The following INTU variants were observed in gnomAD, a reference collection of about 807,000 sequenced individuals.
INTU encodes the protein inturned planar cell polarity protein, also known as protein inturned.
Under a neutral mutation model 100.5 loss-of-function variants are expected in INTU, and 68 were observed. That is an observed-to-expected ratio of 0.68 (90% CI 0.56 to 0.83). INTU has a LOEUF of 0.83. Ranked by LOEUF, INTU falls within the 40% of genes least tolerant of loss-of-function variation. The probability of loss-of-function intolerance (pLI) is 0.00; values close to 1 mark genes in which losing one functional copy is unlikely to be tolerated. For synonymous variants in INTU, 357 were observed against 395.7 expected (o/e 0.90, Z 1.16); for missense variants, 1,071 against 1,114.7 (o/e 0.96, Z 0.56).
intron 6 of INTU, among the ~76,000 whole-genome samples, chr4:127,679,404 T>C (rs1729404828): frequency 1.3e-5 from 2 of 152,046 alleles, no homozygotes; most frequent in South Asian, 4.2e-4. Flanking sequence ...ACAAACTGTC[T>C]CTCAGACCAC....
At chr4:127,701,989 A>G (rs1730670176) in intron 9 of INTU, among the ~76,000 whole-genome samples, 1 of 152,138 alleles carries the variant, frequency 6.6e-6, no homozygotes, top group Admixed American at 6.6e-5. Flanking sequence ...TTTTTGAGTA[A>G]TGGAAAATGT....
intron 6 of INTU, among the ~76,000 whole-genome samples, chr4:127,683,242 G>T (rs1186059759): frequency 6.6e-6 from 1 of 152,160 alleles, no homozygotes; most frequent in Admixed American, 6.5e-5. Context: ...TTAATTTGAA[G>T]ATCCCCTTTA....
chr4:127,674,144 GA>G lies in INTU; in HGVS notation c.1116del (p.Lys372AsnfsTer16). On this transcript the variant is annotated frameshift_variant, in exon 6 of 16. Coordinates refer to ENST00000335251, the MANE Select transcript of INTU (RefSeq NM_015693.4). LOFTEE classifies it high-confidence loss of function. ...CTTAGTTCATCCCTCCTTTTAAATG[GA>G]AAACAAATTCATGTGGCTTATTGGA... ...QVTSSSLLLNGKQIHVAYWKE... is the reference protein window; with the variant it reads ...QVTSSSLLLNXKQIHVAYWKE... The G allele has an allele frequency of 6.2e-7, 1 of 1,610,314 alleles. No individual in the cohort carries two copies. The highest frequency in any genetic ancestry group is 8.5e-7 in the Non-Finnish European group (1 of 1,178,168).
At chr4:127,644,430 A>G (rs1433193759) in intron 2 of INTU, among the ~76,000 whole-genome samples, 1 of 152,238 alleles carries the variant, frequency 6.6e-6, no homozygotes, top group East Asian at 1.9e-4. Context: ...ACAAAAATAT[A>G]TAATTTATGA....
At position 127,704,120 on chromosome 4, in the gene INTU, A is replaced by G. The variant is rs73847046; in HGVS notation, c.1504-108A>G. On this transcript the variant is annotated intron_variant, in intron 9 of 15. Transcript: ENST00000335251. ...GATTTCTAAAGATGGCACTATGAAA[A>G]GTTTAGTTACTAAAGAATATAATTT... 5.4e-3 allele frequency: 4,562 copies of G among 842,458 alleles called. 157 individuals carry two copies. In the African/African-American group the frequency reaches 0.069, roughly 13 times the overall value. 52.2% of individuals were successfully genotyped at this position (842,458 alleles called of 1,614,324 possible). A position where few individuals can be genotyped will look rare whatever the true frequency, so the allele number is the denominator to read the frequency against.
chr4:127,685,389 A>G lies in INTU; in HGVS notation c.1259+903A>G, dbSNP rs1308345249. The G allele has an allele frequency of 1.3e-5, 6 of 452,260 alleles. No individual in the cohort carries two copies. The Admixed American group carries it at 1.4e-4, about 11-fold the overall frequency. 28.0% of individuals were successfully genotyped at this position (452,260 alleles called of 1,614,324 possible). ...TTATACATTTTTCCAAACCATAGTG[A>G]TATCAGCTCTCTGTTTATCTATAGT... On this transcript the variant is annotated intron_variant, in intron 7 of 15. Coordinates refer to ENST00000335251, the MANE Select transcript of INTU (RefSeq NM_015693.4).
chr4:127,680,798 G>C, intron 6 of INTU, among the ~76,000 whole-genome samples: 1 of 151,222 alleles, frequency 6.6e-6, no homozygotes, highest in Non-Finnish European at 1.5e-5. Context: ...ATTAGGAAAA[G>C]AGGAAGTCAA....
At chr4:127,649,439 A>G (rs1391092677) in intron 2 of INTU, among the ~76,000 whole-genome samples, 1 of 152,140 alleles carries the variant, frequency 6.6e-6, no homozygotes, top group African/African-American at 2.4e-5. Flanking sequence ...AGAATTATCT[A>G]CCAACACGAT....
At chr4:127,665,238 TATAA>T (rs1166794349) in intron 4 of INTU, among the ~76,000 whole-genome samples, 4 of 148,954 alleles carry the variant, frequency 2.7e-5, no homozygotes, top group Admixed American at 2.0e-4. Context: ...TTATACAATA[TATAA>T]ATGATATAAA....
chr4:127,713,589 A>G (rs1420998423), intron 14 of INTU, among the ~76,000 whole-genome samples: 1 of 152,308 alleles, frequency 6.6e-6, no homozygotes, highest in Admixed American at 6.5e-5. Flanking sequence ...ACACACAAAG[A>G]AGATTGCATA....
chr4:127,644,965 T>A, intron 2 of INTU, among the ~76,000 whole-genome samples: 1 of 152,204 alleles, frequency 6.6e-6, no homozygotes, highest in Non-Finnish European at 1.5e-5. Flanking sequence ...ACTTTACTGA[T>A]CCAATTATTT....
intron 2 of INTU, among the ~76,000 whole-genome samples, chr4:127,645,651 C>G (rs1265330808): frequency 6.6e-6 from 1 of 152,048 alleles, no homozygotes; most frequent in African/African-American, 2.4e-5. Context: ...ACCTCTACCT[C>G]CCGGGTTCAA....
Position 127,644,041 on chromosome 4 carries a change from G to A in INTU, c.667G>A (p.Gly223Ser), listed in dbSNP as rs760071135. 8.1e-6 allele frequency: 13 copies of A among 1,612,126 alleles called. No homozygotes were observed. Among genetic ancestry groups the A allele is most frequent in the African/African-American group, 4.0e-5 (3 of 74,884 alleles). Residue 223 changes from glycine (G) to serine (S), a missense_variant, in exon 2 of 16, where the codon GGT (glycine) becomes AGT (serine). Physicochemically the swap from Gly to Ser is moderately conservative, Grantham distance 56. Transcript: ENST00000335251. ...GCCAGGGGGATCTGCTATGAAGAGCGGTCAGGTACTCATTGGTAAGTGTTG... is the reference window on the plus strand; with the variant it reads ...GCCAGGGGGATCTGCTATGAAGAGCAGTCAGGTACTCATTGGTAAGTGTTG... ...LLPGGSAMKS[G>S]QVLIGDVLVA...
At chr4:127,650,485 G>A (rs550172641) in intron 2 of INTU, among the ~76,000 whole-genome samples, 7 of 150,496 alleles carry the variant, frequency 4.7e-5, no homozygotes, top group African/African-American at 1.7e-4. Context: ...TTGGTTTTTT[G>A]TTCTTGCGAT....
intron 6 of INTU, among the ~76,000 whole-genome samples, chr4:127,677,649 GA>G: frequency 6.6e-6 from 1 of 152,114 alleles, no homozygotes; most frequent in Middle Eastern, 3.4e-3. Flanking sequence ...CAAAGACGGG[GA>G]AAAAACAGAG....
chr4:127,702,083 A>G lies in INTU; in HGVS notation c.1503+2020A>G, dbSNP rs1263995120. Among the ~76,000 whole-genome samples, 6 of 152,274 alleles carry G rather than the reference A, an allele frequency of 3.9e-5. No homozygotes were observed. In the East Asian group the frequency reaches 1.2e-3, roughly 29 times the overall value. ...TTTGGAACTTACATCCAAAATGTTT[A>G]ATTTAAAAATCTAATTCCTGCCTTT... On this transcript the variant is annotated intron_variant, in intron 9 of 15. Transcript: ENST00000335251.
chr4:127,660,398 G>A (rs1256421048), intron 3 of INTU, among the ~76,000 whole-genome samples: 1 of 152,162 alleles, frequency 6.6e-6, no homozygotes, highest in African/African-American at 2.4e-5. Flanking sequence ...TCTGCCAGCT[G>A]TTAGCCAACA....
At chr4:127,665,915 G>T (rs754983987) in intron 4 of INTU, among the ~76,000 whole-genome samples, 1 of 152,154 alleles carries the variant, frequency 6.6e-6, no homozygotes, top group Admixed American at 6.6e-5. Context: ...AAGTGAATAC[G>T]TGGGATTGCT....
chr4:127,677,222 A>G (rs767310160), intron 6 of INTU, among the ~76,000 whole-genome samples: 2 of 151,322 alleles, frequency 1.3e-5, no homozygotes, highest in Non-Finnish European at 1.5e-5. Flanking sequence ...TTAAATGTCC[A>G]TGTCTGACAG....
Sources: gnomAD v4.1 joint callset for allele counts (sites outside exome capture counted in the v4.1 genomes callset) on GRCh38, gnomAD v4.1.1 for gene constraint, MANE v1.5 for transcripts, NCBI Gene and HGNC (gene_info 2026-07-23, HGNC 2026-07-21) for gene names.